LMO7: variants seen among roughly 807,000 people sequenced by gnomAD.
The protein encoded by LMO7 is LIM domain only protein 7.
A neutral mutation model predicts 206.5 loss-of-function variants in LMO7; 120 were observed. That is an observed-to-expected ratio of 0.58 (90% CI 0.50 to 0.68). The LOEUF is 0.68. LMO7 is among the 30% of genes least tolerant of loss of function. The pLI, the probability that LMO7 is intolerant of heterozygous loss-of-function variation, is 0.00. For synonymous variants in LMO7, 706 were observed against 681.5 expected, an observed-to-expected ratio of 1.04 and a Z score of -0.56; for missense variants, 1,959 against 1,957.9, an observed-to-expected ratio of 1.00 and a Z score of -0.01.
intron 7 of LMO7, among the ~76,000 whole-genome samples, chr13:75,802,730 C>CG (rs1413966655): frequency 2.6e-5 from 4 of 151,944 alleles, no homozygotes; most frequent in African/African-American, 9.7e-5. Context: ...TACAACTAAG[C>CG]GGGGAAAAAA....
chr13:75,826,501 T>G (rs769522509), intron 15 of LMO7, among the ~76,000 whole-genome samples: 1 of 152,170 alleles, frequency 6.6e-6, no homozygotes, highest in Non-Finnish European at 1.5e-5. Flanking sequence ...CTCTAAAGCC[T>G]CTAGTGGCAC....
intron 4 of LMO7, among the ~76,000 whole-genome samples, chr13:75,783,158 G>A (rs939414429): frequency 6.6e-6 from 1 of 152,150 alleles, no homozygotes; most frequent in African/African-American, 2.4e-5. Context: ...GTATTTTACA[G>A]CATATACATA....
intron 2 of LMO7, among the ~76,000 whole-genome samples, chr13:75,726,135 T>A (rs2328954): frequency 1.1e-4 from 17 of 151,638 alleles, no homozygotes; most frequent in Non-Finnish European, 1.5e-4. Flanking sequence ...ATAGGAAAAT[T>A]AGTTTCAAGA....
chr13:75,850,339 T>C (rs2060391026), intron 27 of LMO7, among the ~76,000 whole-genome samples: 1 of 152,218 alleles, frequency 6.6e-6, no homozygotes, highest in South Asian at 2.1e-4. Flanking sequence ...TTTCAGTATG[T>C]ATTAAGCAAA....
intron 1 of LMO7, among the ~76,000 whole-genome samples, chr13:75,650,385 C>T (rs912262799): frequency 7.2e-5 from 11 of 152,136 alleles, no homozygotes; most frequent in Admixed American, 5.9e-4. Context: ...GCCTCAGCCT[C>T]CCAAAGTGCT....
At chr13:75,813,908 G>A (rs1051330737) in intron 11 of LMO7, among the ~76,000 whole-genome samples, 5 of 152,130 alleles carry the variant, frequency 3.3e-5, no homozygotes, top group South Asian at 2.1e-4. Flanking sequence ...TGTGTTGAGT[G>A]TCTAGATACC....
intron 2 of LMO7, among the ~76,000 whole-genome samples, chr13:75,628,873 C>G (rs1295832152): frequency 6.6e-6 from 1 of 152,170 alleles, no homozygotes; most frequent in African/African-American, 2.4e-5. Flanking sequence ...TCCTCTCCAC[C>G]CTACCCCACC....
At chr13:75,642,303 C>T (rs2036613139) in intron 1 of LMO7, among the ~76,000 whole-genome samples, 1 of 151,964 alleles carries the variant, frequency 6.6e-6, no homozygotes, top group Non-Finnish European at 1.5e-5. Context: ...GAACTTGTAC[C>T]TTTAGTAAAA....
chr13:75,821,157 G>C lies in LMO7; in HGVS notation c.2208-20G>C, dbSNP rs762393576. On this transcript the variant is annotated intron_variant, in intron 13 of 30. Coordinates refer to ENST00000377534, the MANE Select transcript of LMO7 (RefSeq NM_001306080.2). ...TCAAATGTGTGTCTTTGTGGTGATG[G>C]TGCATTTCTCTCCGCTAAGGGAATC... is the stretch of plus-strand genomic sequence containing the variant. The C allele has an allele frequency of 6.4e-7, 1 of 1,565,894 alleles. No homozygotes were observed. The highest frequency in any genetic ancestry group is 8.6e-7 in the Non-Finnish European group (1 of 1,157,744).
At chr13:75,657,767 A>G (rs2038194292) in intron 1 of LMO7, among the ~76,000 whole-genome samples, 1 of 152,186 alleles carries the variant, frequency 6.6e-6, no homozygotes, top group African/African-American at 2.4e-5. Flanking sequence ...TATTTTATAT[A>G]TAATTCCTTG....
intron 3 of LMO7, among the ~76,000 whole-genome samples, chr13:75,733,646 A>G (rs1032176519): frequency 3.9e-5 from 2 of 50,756 alleles, no homozygotes; most frequent in African/African-American, 1.9e-4. Context: ...TCCTGCGCCC[A>G]CTGTCTGGCA....
At chr13:75,647,638 G>A (rs1316189658) in intron 1 of LMO7, among the ~76,000 whole-genome samples, 1 of 151,984 alleles carries the variant, frequency 6.6e-6, no homozygotes, top group Non-Finnish European at 1.5e-5. Flanking sequence ...GTTTGAGCAT[G>A]GTCTGTATTC....
chr13:75,758,385 G>A (rs2047861413), intron 3 of LMO7, among the ~76,000 whole-genome samples: 2 of 152,074 alleles, frequency 1.3e-5, no homozygotes, highest in Admixed American at 6.6e-5. Context: ...TTACCAGTGA[G>A]CTCAAATCCA....
At chr13:75,739,671 AGTGTGACCTGCTCTAT>A (rs1268397166) in intron 3 of LMO7, among the ~76,000 whole-genome samples, 1 of 152,204 alleles carries the variant, frequency 6.6e-6, no homozygotes, top group Non-Finnish European at 1.5e-5. Flanking sequence ...ACGGCAAAAT[AGTGTGACCTGCTCTAT>A]GTGGTGATCA....
chr13:75,845,094 CACGTGTTTGTATCT>C (rs1285140748), intron 25 of LMO7, among the ~76,000 whole-genome samples: 1 of 152,124 alleles, frequency 6.6e-6, no homozygotes, highest in African/African-American at 2.4e-5. Context: ...GAAGTACTGT[CACGTGTTTGTATCT>C]ATTTCCAGCA....
Position 75,817,160 on chromosome 13 carries a change from G to C in LMO7, c.1947-1G>C. 1 of 1,607,314 alleles carries C rather than the reference G, an allele frequency of 6.2e-7. No homozygotes were observed. The highest frequency in any genetic ancestry group is 8.5e-7 in the Non-Finnish European group (1 of 1,174,390). ...AGTAACCATGAGTCTTTTTGTTGTA[G>C]GAGTAAGTCCATGAGTGATGTCAGC... is the stretch of plus-strand genomic sequence containing the variant. On this transcript the variant is annotated splice_acceptor_variant, in intron 11 of 30. Transcript: ENST00000377534. LOFTEE classifies it high-confidence loss of function.
chr13:75,760,771 C>T, intron 3 of LMO7, 161 bp from the exon 4 acceptor site: 9 of 1,538,524 alleles, frequency 5.8e-6, no homozygotes, highest in Non-Finnish European at 7.0e-6. Flanking sequence ...TGTACAAGCC[C>T]TATGTATTTT....
At chr13:75,814,122 A>G (rs2056742629) in intron 11 of LMO7, among the ~76,000 whole-genome samples, 1 of 152,238 alleles carries the variant, frequency 6.6e-6, no homozygotes, top group Admixed American at 6.5e-5. Flanking sequence ...GTCCTCATAT[A>G]TTCTCTCAAT....
intron 20 of LMO7, among the ~76,000 whole-genome samples, chr13:75,839,306 T>G (rs1479804100): frequency 6.6e-6 from 1 of 151,766 alleles, no homozygotes; most frequent in Non-Finnish European, 1.5e-5. Flanking sequence ...CAACAGGCTA[T>G]TCTAGGGAAG....
Sources: allele counts gnomAD v4.1 joint callset (sites outside exome capture counted in the v4.1 genomes callset), GRCh38; gene constraint gnomAD v4.1.1; transcripts MANE v1.5; gene names NCBI Gene and HGNC (gene_info 2026-07-23, HGNC 2026-07-21).